The following PCCB variants were observed in gnomAD, a reference collection of about 807,000 sequenced individuals.
The protein encoded by PCCB is propionyl-CoA carboxylase beta chain, mitochondrial.
In PCCB, 43 loss-of-function variants were observed where a neutral mutation model predicts 60.7. The ratio of observed to expected loss-of-function variants is 0.71; its 90% confidence interval spans 0.55 to 0.91. The LOEUF (loss-of-function observed/expected upper bound fraction) is 0.91. Ranked by LOEUF, PCCB falls within the 40% of genes least tolerant of loss-of-function variation. The pLI is 0.00. For synonymous variants in PCCB, 276 were observed against 255.9 expected (o/e 1.08, Z -0.75); for missense variants, 766 against 702.8 (o/e 1.09, Z -1.02).
intron 9 of PCCB, among the ~76,000 whole-genome samples, chr3:136,311,973 A>G (rs922013047): frequency 6.6e-6 from 1 of 152,250 alleles, no homozygotes; most frequent in Non-Finnish European, 1.5e-5. Context: ...ATGGAAAAAT[A>G]AAAGTGCAAG....
At chr3:136,257,743 C>T (rs1941710947) in intron 3 of PCCB, among the ~76,000 whole-genome samples, 1 of 152,058 alleles carries the variant, frequency 6.6e-6, no homozygotes, top group African/African-American at 2.4e-5. Context: ...TTGAGACCAG[C>T]TGGCCAACAT....
At chr3:136,295,318 A>C (rs1933882298) in intron 7 of PCCB, among the ~76,000 whole-genome samples, 1 of 152,196 alleles carries the variant, frequency 6.6e-6, no homozygotes, top group Admixed American at 6.5e-5. Context: ...CTTATCAGTG[A>C]AGTCTTAGAT....
chr3:136,301,197 CCA>C (rs1934265528), intron 9 of PCCB, 86 bp downstream of exon 9: 1 of 1,046,464 alleles, frequency 9.6e-7, no homozygotes, highest in Non-Finnish European at 1.5e-6. Context: ...AAGCACTGGA[CCA>C]CTTGGCCTCC....
intron 11 of PCCB, 91 bp from the exon 12 acceptor site, chr3:136,327,064 T>C (rs1486524442): frequency 3.1e-6 from 4 of 1,288,752 alleles, no homozygotes; most frequent in Non-Finnish European, 1.1e-6. Flanking sequence ...GGAATGGCCC[T>C]CTCCAGAGGT....
rs142505337 is a variant in PCCB at position 136,269,611 on chromosome 3, T to A, written c.543+7546T>A. The stretch of plus-strand genomic sequence containing the variant: ...GTAAGAGTGGACATCCTTGGCCGGG[T>A]GCGGTGGCTCACGCCTGTGATCCCA... On this transcript the variant is annotated intron_variant, in intron 5 of 14. Transcript: ENST00000251654. Among the ~76,000 whole-genome samples, 12 of 152,078 alleles carry A rather than the reference T, an allele frequency of 7.9e-5. No individual in the cohort carries two copies. In the East Asian group the frequency reaches 1.5e-3, roughly 20 times the overall value.
chr3:136,254,490 G>C (rs1213458526), intron 1 of PCCB, among the ~76,000 whole-genome samples: 1 of 135,642 alleles, frequency 7.4e-6, no homozygotes, highest in South Asian at 2.5e-4. Flanking sequence ...AAAGTGCTGG[G>C]ATTACAGGTG....
In PCCB at chr3:136,329,097, G is replaced by T. The variant is rs536142207; in HGVS notation, c.1498+240G>T. ...TATTAAATTTCTAGGTGTTGTTCCAGTTGTCTAGTGCTGTGCAGAAATTCA... is the reference window on the plus strand; with the variant it reads ...TATTAAATTTCTAGGTGTTGTTCCATTTGTCTAGTGCTGTGCAGAAATTCA... On this transcript the variant is annotated intron_variant, in intron 14 of 14. Coordinates refer to ENST00000251654, the MANE Select transcript of PCCB (RefSeq NM_000532.5). 1.7e-3 allele frequency among the ~76,000 whole-genome samples: 256 copies of T among 152,360 alleles called. 1 individual carries two copies. Among genetic ancestry groups the T allele is most frequent in the African/African-American group, 5.2e-3 (215 of 41,582 alleles).
At chr3:136,290,515 T>C (rs998453248) in intron 6 of PCCB, among the ~76,000 whole-genome samples, 13 of 151,736 alleles carry the variant, frequency 8.6e-5, no homozygotes, top group African/African-American at 2.9e-4. Context: ...TTTTTGTTTT[T>C]GTTTGTTTGT....
At chr3:136,265,864 C>T (rs1199520181) in intron 5 of PCCB, among the ~76,000 whole-genome samples, 4 of 149,498 alleles carry the variant, frequency 2.7e-5, no homozygotes, top group East Asian at 1.9e-4. Context: ...CTTGCCCTGT[C>T]GCCCAGGCTG....
intron 6 of PCCB, among the ~76,000 whole-genome samples, chr3:136,284,853 G>C (rs1280843429): frequency 6.6e-6 from 1 of 152,124 alleles, no homozygotes; most frequent in Non-Finnish European, 1.5e-5. Context: ...TTGGGAGGCT[G>C]ATTCAGGTGG....
intron 7 of PCCB, 26 bp downstream of exon 7, chr3:136,293,890 T>C (rs1933816591): frequency 7.4e-7 from 1 of 1,346,876 alleles, no homozygotes; most frequent in Non-Finnish European, 1.1e-6. Context: ...GATGACCTTG[T>C]TGTTTTCAAA....
rs188404472 is a variant in PCCB, at chr3:136,303,287, T to A, written c.966+2176T>A. Among the ~76,000 whole-genome samples the A allele has an allele frequency of 9.0e-5, 11 of 122,560 alleles. 4 individuals are homozygous for A. The highest frequency in any genetic ancestry group is 1.8e-4 in the Non-Finnish European group (10 of 55,016). The allele number at this position is 122,560 out of a possible 152,430, so 80.4% of individuals were successfully genotyped here. ...ATATCTTTTTTCATGTTGAAGCTAC[T>A]ACTGGCTTCTGTTTTAAATATTTTT... On this transcript the variant is annotated intron_variant, in intron 9 of 14. Transcript: ENST00000251654.
intron 1 of PCCB, 64 bp downstream of exon 1, chr3:136,250,622 G>T: frequency 6.7e-7 from 1 of 1,497,196 alleles, no homozygotes; most frequent in Non-Finnish European, 9.0e-7. Flanking sequence ...CTGCGTGCCC[G>T]GCTTGCGGCG....
At position 136,301,001 on chromosome 3, in the gene PCCB, G is replaced by T. The variant is rs773573841; in HGVS notation, c.885-29G>T. On this transcript the variant is annotated intron_variant, in intron 8 of 14. Transcript: ENST00000251654. ...AAAGGTAACTGGCTCTTCCTATGTTGACTATACCTGCCTTTTTTCTGCCTA... is the reference window on the plus strand; with the variant it reads ...AAAGGTAACTGGCTCTTCCTATGTTTACTATACCTGCCTTTTTTCTGCCTA... The T allele has an allele frequency of 1.9e-6, 3 of 1,577,302 alleles. No homozygotes were observed. The South Asian group carries it at 3.3e-5, about 17-fold the overall frequency.
chr3:136,255,581 C>T, intron 1 of PCCB: 1 of 474,268 alleles, frequency 2.1e-6, no homozygotes, highest in Non-Finnish European at 3.9e-6. Context: ...TCAGGTTCTC[C>T]TTATCCCCAC....
intron 8 of PCCB, 101 bp downstream of exon 8, chr3:136,298,173 G>A: frequency 6.8e-7 from 1 of 1,463,084 alleles, no homozygotes; most frequent in Non-Finnish European, 9.5e-7. Context: ...GCAAGTTGCA[G>A]CAGAGTGTGG....
chr3:136,269,422 G>A lies in PCCB; in HGVS notation c.543+7357G>A, dbSNP rs948691245. 3.9e-5 allele frequency among the ~76,000 whole-genome samples: 6 copies of A among 151,952 alleles called. No homozygotes were observed. The East Asian group carries it at 1.2e-3, about 29-fold the overall frequency. The stretch of plus-strand genomic sequence containing the variant: ...GGTTGTGTATTAGCTTGAATAGGGG[G>A]TGTGTGTGTATGTGTGTATTTCTTT... On this transcript the variant is annotated intron_variant, in intron 5 of 14. Transcript: ENST00000251654.
chr3:136,317,097 G>A, intron 10 of PCCB, 33 bp downstream of exon 10: 1 of 1,613,662 alleles, frequency 6.2e-7, no homozygotes, highest in Non-Finnish European at 8.5e-7. Flanking sequence ...CTTGGTTTTG[G>A]GGTTGGAGGC....
At chr3:136,271,359 G>C (rs1050248479) in intron 5 of PCCB, among the ~76,000 whole-genome samples, 12 of 152,078 alleles carry the variant, frequency 7.9e-5, no homozygotes, top group Admixed American at 7.9e-4. Context: ...ATAAATTTTA[G>C]GATTGTATTT....
Sources: gnomAD v4.1 joint callset for allele counts (sites outside exome capture counted in the v4.1 genomes callset) on GRCh38, gnomAD v4.1.1 for gene constraint, MANE v1.5 for transcripts, NCBI Gene and HGNC (gene_info 2026-07-23, HGNC 2026-07-21) for gene names.